Variants in AFAP1L1 observed in about 807,000 individuals in gnomAD.
AFAP1L1 encodes actin filament-associated protein 1-like 1.
In AFAP1L1, 77 loss-of-function variants were observed where a neutral mutation model predicts 99.8. The observed-to-expected ratio is 0.77, with a 90% CI of 0.64 to 0.93. AFAP1L1 has a LOEUF of 0.93. AFAP1L1 is among the 40% of genes least tolerant of loss of function. The pLI, the probability that AFAP1L1 is intolerant of heterozygous loss-of-function variation, is 0.00. For missense variants in AFAP1L1, 893 were observed against 996.8 expected (o/e 0.90, Z 1.40); for synonymous variants, 373 against 395.3 (o/e 0.94, Z 0.67).
chr5:149,279,267 C>T (rs1338579511), intron 1 of AFAP1L1, among the ~76,000 whole-genome samples: 1 of 152,176 alleles, frequency 6.6e-6, no homozygotes, highest in Non-Finnish European at 1.5e-5. Flanking sequence ...CTAAGAGAAG[C>T]ATACAAATGA....
intron 8 of AFAP1L1, 91 bp from the exon 9 acceptor site, chr5:149,312,021 G>A: frequency 1.6e-6 from 2 of 1,235,414 alleles, no homozygotes; most frequent in Non-Finnish European, 2.3e-6. Flanking sequence ...CTGACCCTCT[G>A]TTCTACAGCA....
rs1246627927 is a variant in AFAP1L1 at position 149,341,330 on chromosome 5, A to AGT, written c.*1301_*1302dup. On this transcript the variant is annotated 3_prime_UTR_variant, in exon 19 of 19. Coordinates refer to ENST00000296721, the MANE Select transcript of AFAP1L1 (RefSeq NM_152406.4). ...CCACAGCAGGAAAAATAACCTGACC[A>AGT]GTAATCACCCACTGATTAGTGGCAG... 6.6e-6 allele frequency: 1 copy of AGT among 152,170 alleles called. No homozygotes were observed. The highest frequency in any genetic ancestry group is 2.4e-5 in the African/African-American group (1 of 41,438). 9.4% of individuals were successfully genotyped at this position (152,170 alleles called of 1,614,324 possible).
chr5:149,298,046 G>A (rs1182460094), intron 1 of AFAP1L1, among the ~76,000 whole-genome samples: 1 of 152,216 alleles, frequency 6.6e-6, no homozygotes, highest in Non-Finnish European at 1.5e-5. Flanking sequence ...GTAAGTGATT[G>A]GCTAGTGAAT....
Position 149,329,759 on chromosome 5 carries a change from C to T in AFAP1L1, c.1904C>T (p.Thr635Met), listed in dbSNP as rs755708543. 2.4e-5 allele frequency: 38 copies of T among 1,613,820 alleles called. No individual in the cohort carries two copies. The East Asian group carries it at 5.3e-4, about 23-fold the overall frequency. Residue 635 changes from threonine to methionine, a missense_variant, in exon 16 of 19, where the codon ACG becomes ATG. Transcript: ENST00000296721. ...EKEKLEKEKE[T>M]IRTELIALRQ... is the part of the protein sequence containing the mutation. ...GAGAAGCTGGAGAAAGAGAAAGAGA[C>T]GATTCGGACAGAGCTGATAGCACTG...
At chr5:149,325,680 A>G (rs1013200142) in intron 15 of AFAP1L1, among the ~76,000 whole-genome samples, 6 of 152,196 alleles carry the variant, frequency 3.9e-5, no homozygotes, top group Non-Finnish European at 8.8e-5. Flanking sequence ...TTGTGCTGCT[A>G]TAACAGAATA....
intron 8 of AFAP1L1, among the ~76,000 whole-genome samples, chr5:149,311,050 G>A (rs761497171): frequency 8.5e-5 from 13 of 152,112 alleles, no homozygotes; most frequent in Admixed American, 2.0e-4. Flanking sequence ...TGATGACTGC[G>A]ATGCCCCACC....
chr5:149,315,724 G>T, intron 9 of AFAP1L1, 97 bp from the exon 10 acceptor site: 1 of 953,430 alleles, frequency 1.0e-6, no homozygotes, highest in Non-Finnish European at 1.7e-6. Flanking sequence ...TAATTATCAT[G>T]TGCTGGGGGA....
intron 1 of AFAP1L1, among the ~76,000 whole-genome samples, chr5:149,287,759 T>A (rs1048802286): frequency 6.7e-6 from 1 of 150,292 alleles, no homozygotes; most frequent in South Asian, 2.1e-4. Context: ...GGTGTTTTTT[T>A]TTTTTTTTTG....
Position 149,340,075 on chromosome 5 carries a change from A to C in AFAP1L1, c.*45A>C. 6.2e-7 allele frequency: 1 copy of C among 1,611,596 alleles called. No homozygotes were observed. Among genetic ancestry groups the C allele is most frequent in the East Asian group, 2.2e-5 (1 of 44,850 alleles). On this transcript the variant is annotated 3_prime_UTR_variant, in exon 19 of 19. Coordinates refer to ENST00000296721, the MANE Select transcript of AFAP1L1 (RefSeq NM_152406.4). ...TTCCAAAGGAAATACCAGCTTGTCCACCTGAGGAAGAAATGCTTTTTTCAC... is the reference window on the plus strand; with the variant it reads ...TTCCAAAGGAAATACCAGCTTGTCCCCCTGAGGAAGAAATGCTTTTTTCAC...
intron 8 of AFAP1L1, 110 bp from the exon 9 acceptor site, chr5:149,312,002 A>G (rs1185627096): frequency 1.0e-6 from 1 of 972,128 alleles, no homozygotes; most frequent in African/African-American, 1.6e-5. Context: ...TCTGTTCCCC[A>G]CAGTGGCCCT....
intron 5 of AFAP1L1, among the ~76,000 whole-genome samples, chr5:149,305,383 T>C (rs1306318839): frequency 6.6e-6 from 1 of 152,218 alleles, no homozygotes; most frequent in Non-Finnish European, 1.5e-5. Flanking sequence ...AAAATAACCT[T>C]TTAAAAACAT....
intron 1 of AFAP1L1, among the ~76,000 whole-genome samples, chr5:149,281,505 T>C (rs1007172465): frequency 2.6e-5 from 4 of 152,226 alleles, no homozygotes; most frequent in Admixed American, 6.5e-5. Flanking sequence ...ATCTGTTTTA[T>C]GTGTGTATGA....
chr5:149,332,841 G>A lies in AFAP1L1; in HGVS notation c.2122G>A (p.Gly708Arg), dbSNP rs775249585. ...QQSLAGGPAL[G>R]LSVSSKPKSG... ...GTCCCTGGCAGGAGGGCCAGCCCTG[G>A]GGCTCTCCGTGAGCAGCAAGCCCAA... Residue 708 changes from glycine (G) to arginine (R), a missense_variant, in exon 17 of 19, where the codon GGG becomes AGG. Transcript: ENST00000296721. 6.2e-7 allele frequency: 1 copy of A among 1,608,682 alleles called. No individual in the cohort carries two copies. Among genetic ancestry groups the A allele is most frequent in the Non-Finnish European group, 8.5e-7 (1 of 1,178,450 alleles).
chr5:149,286,207 T>C lies in AFAP1L1; in HGVS notation c.17-13302T>C, dbSNP rs142885047. On this transcript the variant is annotated intron_variant, in intron 1 of 18. Transcript: ENST00000296721. ...GCATCAGGGACTTCTCTAAGCACTT[T>C]ATGTAACACCTCACTGGATCCTCAC... 2.7e-3 allele frequency among the ~76,000 whole-genome samples: 413 copies of C among 152,256 alleles called. 2 individuals are homozygous for C. The highest frequency in any genetic ancestry group is 9.6e-3 in the African/African-American group (398 of 41,552).
chr5:149,307,659 G>C, intron 7 of AFAP1L1, 46 bp downstream of exon 7: 2 of 1,568,384 alleles, frequency 1.3e-6, no homozygotes, highest in Non-Finnish European at 1.7e-6. Context: ...ACATGGACTT[G>C]CATGTGGGTG....
At chr5:149,310,173 C>T (rs779849365) in intron 8 of AFAP1L1, 38 bp downstream of exon 8, 8 of 1,534,212 alleles carry the variant, frequency 5.2e-6, no homozygotes, top group Non-Finnish European at 7.0e-6. Context: ...CCTTCTCACC[C>T]TTTCTCTCTT....
Position 149,329,675 on chromosome 5 carries a change from A to G in AFAP1L1, c.1820A>G (p.Gln607Arg). ...KVKRHASSAN[Q>R]YKYGKNRAEE... ...CCCCATATCTCTGCAGGTGCCAATC[A>G]ATACAAGTATGGCAAGAACCGAGCC... Residue 607 changes from glutamine to arginine, a missense_variant, in exon 16 of 19, where the codon CAA becomes CGA. Coordinates refer to ENST00000296721, the MANE Select transcript of AFAP1L1 (RefSeq NM_152406.4). 2 of 1,613,376 alleles carry G rather than the reference A, an allele frequency of 1.2e-6. No homozygotes were observed. Among genetic ancestry groups the G allele is most frequent in the Non-Finnish European group, 1.7e-6 (2 of 1,179,762 alleles).
intron 1 of AFAP1L1, among the ~76,000 whole-genome samples, chr5:149,281,252 C>A (rs1456601502): frequency 1.3e-5 from 2 of 152,200 alleles, no homozygotes; most frequent in African/African-American, 2.4e-5. Flanking sequence ...CCCTGAGTTT[C>A]TTTTCTGTCG....
intron 7 of AFAP1L1, among the ~76,000 whole-genome samples, chr5:149,307,854 C>CTCTCTCTCTCTCTCTCTT (rs1561672905): frequency 1.3e-5 from 2 of 148,220 alleles, no homozygotes; most frequent in Non-Finnish European, 3.0e-5. Flanking sequence ...CTCTCTCTCT[C>CTCTCTCTCTCTCTCTCTT]TCTTAAATTT....
Sources: gnomAD v4.1 joint callset for allele counts (sites outside exome capture counted in the v4.1 genomes callset) on GRCh38, gnomAD v4.1.1 for gene constraint, MANE v1.5 for transcripts, NCBI Gene and HGNC (gene_info 2026-07-23, HGNC 2026-07-21) for gene names.